The following DOCK3 variants were observed in gnomAD, a reference collection of about 807,000 sequenced individuals.
DOCK3 encodes the protein dedicator of cytokinesis protein 3.
A neutral mutation model predicts 265.6 loss-of-function variants in DOCK3; 60 were observed. The observed-to-expected ratio is 0.23, with a 90% CI of 0.18 to 0.28. The LOEUF (loss-of-function observed/expected upper bound fraction) is 0.28. DOCK3 is among the 10% of genes least tolerant of loss of function. DOCK3 has a pLI of 1.00. For synonymous variants in DOCK3, 881 were observed against 938.0 expected (o/e 0.94, Z 1.11); for missense variants, 1,981 against 2,594.3 (o/e 0.76, Z 5.14).
At chr3:51,379,538 G>GC (rs1372859029) in intron 51 of DOCK3, 46 of 985,286 alleles carry the variant, frequency 4.7e-5, no homozygotes, top group Admixed American at 6.2e-5. Flanking sequence ...GCGCATCCTG[G>GC]CCCCCCCAGT....
At chr3:51,027,933 G>A (rs1349337235) in intron 5 of DOCK3, among the ~76,000 whole-genome samples, 5 of 151,822 alleles carry the variant, frequency 3.3e-5, no homozygotes, top group African/African-American at 7.3e-5. Flanking sequence ...AGGCTGTGTA[G>A]GTTCAACTTT....
At chr3:51,280,459 A>T (rs549989980) in intron 27 of DOCK3, among the ~76,000 whole-genome samples, 2 of 152,264 alleles carry the variant, frequency 1.3e-5, no homozygotes, top group East Asian at 3.9e-4. Context: ...CCTCTATTAG[A>T]GGCTACTCTG....
intron 5 of DOCK3, among the ~76,000 whole-genome samples, chr3:51,045,852 T>C (rs888689225): frequency 1.3e-5 from 2 of 152,216 alleles, no homozygotes; most frequent in African/African-American, 2.4e-5. Context: ...GAGCATCTTA[T>C]TTTATTGTCT....
At chr3:50,877,558 A>T in intron 3 of DOCK3, 1 of 519,836 alleles carries the variant, frequency 1.9e-6, no homozygotes, top group Non-Finnish European at 3.8e-6. Context: ...GACATACAGA[A>T]TGGTCAAGCG....
Position 51,356,924 on chromosome 3 carries a change from T to C in DOCK3, c.4504-38T>C, listed in dbSNP as rs766168153. ...TCAGGAAGATGATGAGGGGTTATCA[T>C]CATTTCTGGGATGACTCTGTGTGCT... On this transcript the variant is annotated intron_variant, in intron 43 of 52. Coordinates refer to ENST00000266037, the MANE Select transcript of DOCK3 (RefSeq NM_004947.5). The C allele has an allele frequency of 3.2e-6, 5 of 1,576,238 alleles. No homozygotes were observed. In the South Asian group the frequency reaches 4.7e-5, roughly 15 times the overall value.
intron 12 of DOCK3, among the ~76,000 whole-genome samples, chr3:51,200,363 C>G (rs2088639228): frequency 6.7e-6 from 1 of 149,344 alleles, no homozygotes; most frequent in African/African-American, 2.5e-5. Flanking sequence ...AAAGCCAAGG[C>G]TCGAGAACAA....
chr3:51,312,743 T>C (rs1330592050), intron 30 of DOCK3, 101 bp from the exon 31 acceptor site: 2 of 1,356,456 alleles, frequency 1.5e-6, no homozygotes, highest in East Asian at 4.9e-5. Flanking sequence ...TTGGGAAGCA[T>C]TAGAAACAAA....
intron 4 of DOCK3, among the ~76,000 whole-genome samples, chr3:50,920,402 A>G (rs891943500): frequency 6.6e-6 from 1 of 152,168 alleles, no homozygotes; most frequent in Non-Finnish European, 1.5e-5. Context: ...TTGGTAGTCT[A>G]TTAATTATTG....
At chr3:51,257,343 T>C (rs899750) in intron 22 of DOCK3, among the ~76,000 whole-genome samples, 125,051 of 152,232 alleles carry the variant, frequency 0.82, 51,960 homozygotes, top group Middle Eastern at 0.9. Flanking sequence ...TCAAAAGCTA[T>C]GAACCAGGAA....
chr3:51,341,499 G>A (rs1015502902), intron 38 of DOCK3, 114 bp downstream of exon 38: 4 of 1,449,012 alleles, frequency 2.8e-6, no homozygotes, highest in Non-Finnish European at 3.8e-6. Flanking sequence ...GTGGTGAGTG[G>A]GTGGGTGCCT....
In DOCK3 at chr3:50,998,388, A is replaced by G. The variant is rs572813026; in HGVS notation, c.315+64311A>G. ...TGGGGCCCAGATTTGTTTAAGAAAA[A>G]ACAACAAACTCTTCAGGTGATTCTG... is the stretch of plus-strand genomic sequence containing the variant. On this transcript the variant is annotated intron_variant, in intron 5 of 52. Transcript: ENST00000266037. 5.3e-5 allele frequency among the ~76,000 whole-genome samples: 8 copies of G among 152,284 alleles called. No homozygotes were observed. In the East Asian group the frequency reaches 1.3e-3, roughly 26 times the overall value.
intron 3 of DOCK3, among the ~76,000 whole-genome samples, chr3:50,856,535 A>G (rs867979844): frequency 6.7e-6 from 1 of 149,544 alleles, no homozygotes. Context: ...TAATGGGGTT[A>G]TTTGTTTTTT....
intron 5 of DOCK3, among the ~76,000 whole-genome samples, chr3:51,041,589 C>A (rs986249764): frequency 1.2e-4 from 19 of 152,062 alleles, no homozygotes; most frequent in Admixed American, 9.8e-4. Flanking sequence ...CAGAATAGAT[C>A]TTGTGTTAAC....
At chr3:50,926,902 G>C (rs769051342) in intron 4 of DOCK3, among the ~76,000 whole-genome samples, 1 of 152,148 alleles carries the variant, frequency 6.6e-6, no homozygotes, top group African/African-American at 2.4e-5. Flanking sequence ...GCAGTTTATA[G>C]TGCAACATAA....
Position 51,360,499 on chromosome 3 carries a change from A to C in DOCK3, c.4885-12A>C, listed in dbSNP as rs1185557772. On this transcript the variant is annotated splice_polypyrimidine_tract_variant and intron_variant, in intron 46 of 52. Coordinates refer to ENST00000266037, the MANE Select transcript of DOCK3 (RefSeq NM_004947.5). ...CTTTACTCTCTATGAAGGGGCATTC[A>C]TTTCTCAACAGGAGTTTCCAGGTTT... 1 of 1,606,670 alleles carries C rather than the reference A, an allele frequency of 6.2e-7. No individual in the cohort carries two copies. Among genetic ancestry groups the C allele is most frequent in the South Asian group, 1.1e-5 (1 of 89,664 alleles).
rs528829644 is a variant in DOCK3, at chr3:51,224,681, A to G, written c.1253-968A>G. Reference sequence around the variant, plus strand: ...ACACATCTTCACTTTGGTCTTACCCATTTTCCTTTGCCATTTTCTCCCTTT... The same window carrying G: ...ACACATCTTCACTTTGGTCTTACCCGTTTTCCTTTGCCATTTTCTCCCTTT... On this transcript the variant is annotated intron_variant, in intron 14 of 52. Transcript: ENST00000266037. Among the ~76,000 whole-genome samples, 162 of 150,446 alleles carry G rather than the reference A, an allele frequency of 1.1e-3. 1 individual carries two copies. Among genetic ancestry groups the G allele is most frequent in the African/African-American group, 3.8e-3 (155 of 41,056 alleles).
chr3:50,729,723 G>T (rs2038074798), intron 1 of DOCK3, among the ~76,000 whole-genome samples: 1 of 151,230 alleles, frequency 6.6e-6, no homozygotes, highest in African/African-American at 2.4e-5. Flanking sequence ...ATCTCGCCAT[G>T]TTGTCCAGGC....
At chr3:51,265,224 A>G (rs1294173793) in intron 23 of DOCK3, among the ~76,000 whole-genome samples, 2 of 152,238 alleles carry the variant, frequency 1.3e-5, no homozygotes, top group Non-Finnish European at 2.9e-5. Flanking sequence ...CGTACAACCA[A>G]AAAAATCCCA....
At chr3:51,262,384 G>C (rs1332900626) in intron 23 of DOCK3, among the ~76,000 whole-genome samples, 2 of 152,124 alleles carry the variant, frequency 1.3e-5, no homozygotes, top group Non-Finnish European at 2.9e-5. Flanking sequence ...CAACAAAAAG[G>C]ACATCCACAC....
Sources: allele counts gnomAD v4.1 joint callset (sites outside exome capture counted in the v4.1 genomes callset), GRCh38; gene constraint gnomAD v4.1.1; transcripts MANE v1.5; gene names NCBI Gene and HGNC (gene_info 2026-07-23, HGNC 2026-07-21).